The following PDE1C variants were observed in gnomAD, a reference collection of about 807,000 sequenced individuals.
The protein encoded by PDE1C is dual specificity calcium/calmodulin-dependent 3',5'-cyclic nucleotide phosphodiesterase 1C.
Under a neutral mutation model 93.1 loss-of-function variants are expected in PDE1C, and 62 were observed. That is an observed-to-expected ratio of 0.67 (90% CI 0.54 to 0.82). PDE1C has a LOEUF of 0.82. Among genes scored for constraint, PDE1C ranks in the 40% least tolerant of loss-of-function variants. The probability of loss-of-function intolerance (pLI) is 0.00; values close to 1 mark genes in which losing one functional copy is unlikely to be tolerated. For missense variants in PDE1C, 742 were observed against 884.6 expected, an observed-to-expected ratio of 0.84 and a Z score of 2.04; for synonymous variants, 325 against 310.1, an observed-to-expected ratio of 1.05 and a Z score of -0.50.
At chr7:31,806,658 G>A (rs906617739) in intron 16 of PDE1C, among the ~76,000 whole-genome samples, 6 of 151,952 alleles carry the variant, frequency 3.9e-5, no homozygotes, top group African/African-American at 1.4e-4. Flanking sequence ...CCTGGCTCAT[G>A]GGAGTTTGGG....
intron 7 of PDE1C, chr7:31,850,945 G>T (rs542386387): frequency 1.9e-6 from 1 of 524,206 alleles, no homozygotes; most frequent in East Asian, 3.3e-5. Context: ...GTTCAGCAAG[G>T]TTGAATAAGC....
chr7:31,630,207 G>A, the PDE1C span, among the ~76,000 whole-genome samples: 3 of 72,612 alleles, frequency 4.1e-5, no homozygotes, highest in Admixed American at 1.8e-4. Context: ...AATTACCAGA[G>A]GAAAAGAGGC....
At chr7:31,889,107 A>G (rs1798313279) in intron 2 of PDE1C, among the ~76,000 whole-genome samples, 1 of 152,252 alleles carries the variant, frequency 6.6e-6, no homozygotes, top group African/African-American at 2.4e-5. Flanking sequence ...AGATTAAATT[A>G]CAAACAAATT....
the PDE1C span, among the ~76,000 whole-genome samples, chr7:31,687,849 C>T: frequency 6.6e-6 from 1 of 152,186 alleles, no homozygotes; most frequent in Non-Finnish European, 1.5e-5. Context: ...ACCTTCTACC[C>T]TTTTATTCCA....
the PDE1C span, among the ~76,000 whole-genome samples, chr7:31,661,842 C>T: frequency 6.6e-6 from 1 of 152,190 alleles, no homozygotes; most frequent in Admixed American, 6.5e-5. Context: ...TCTGCCTACT[C>T]CCTTCAGTTC....
chr7:32,106,532 C>T lies in PDE1C; in HGVS notation c.308+63253G>A, dbSNP rs368882383. 1.1e-3 allele frequency among the ~76,000 whole-genome samples: 171 copies of T among 152,046 alleles called. 4 individuals are homozygous for T. The South Asian group carries it at 0.035, about 31-fold the overall frequency. On this transcript the variant is annotated intron_variant, in intron 3 of 18. Transcript: ENST00000396193. ...ATGGAAACTTTAAAAAAACTACTACCCTCCATACTTTACCACCACATCAAC... is the reference window on the plus strand; with the variant it reads ...ATGGAAACTTTAAAAAAACTACTACTCTCCATACTTTACCACCACATCAAC...
chr7:32,387,940 C>T (rs549917753), intron 1 of PDE1C, among the ~76,000 whole-genome samples: 1 of 152,312 alleles, frequency 6.6e-6, no homozygotes, highest in Admixed American at 6.5e-5. Context: ...TCTTCCAAAG[C>T]TTTCCTGGCC....
chr7:31,695,956 C>T, the PDE1C span: 1 of 171,256 alleles, frequency 5.8e-6, no homozygotes, highest in East Asian at 1.6e-4. Context: ...TCACCACAAG[C>T]TTCCACAGTC....
intron 16 of PDE1C, among the ~76,000 whole-genome samples, chr7:31,790,667 C>T (rs1261953023): frequency 6.6e-6 from 1 of 152,042 alleles, no homozygotes; most frequent in South Asian, 2.1e-4. Context: ...AAAAGCAATA[C>T]TCCTCCCTCT....
At chr7:32,298,557 G>A (rs1812774984) in intron 1 of PDE1C, 1 of 1,443,992 alleles carries the variant, frequency 6.9e-7, no homozygotes, top group South Asian at 1.3e-5. Context: ...CCCGACCCCT[G>A]AGCTCCCCCT....
At chr7:31,642,068 G>T in the PDE1C span, 11 of 591,782 alleles carry the variant, frequency 1.9e-5, no homozygotes, top group Non-Finnish European at 2.6e-5. Context: ...CACACAGTGG[G>T]CATTTCTGCA....
At chr7:32,300,838 TTTTG>T (rs940018085), upstream of PDE1C, among the ~76,000 whole-genome samples, 4 of 152,098 alleles carry the variant, frequency 2.6e-5, no homozygotes, top group Admixed American at 6.5e-5. Flanking sequence ...GGGCTTGGTT[TTTTG>T]TTTGTTTGTT....
chr7:32,055,121 G>C (rs867903804), intron 1 of PDE1C, among the ~76,000 whole-genome samples: 35 of 152,264 alleles, frequency 2.3e-4, no homozygotes, highest in African/African-American at 8.4e-4. Flanking sequence ...TCCTTGTCAT[G>C]GCAACTGCTC....
chr7:32,063,239 C>A (rs781204415), intron 1 of PDE1C, among the ~76,000 whole-genome samples: 2 of 152,182 alleles, frequency 1.3e-5, no homozygotes, highest in Non-Finnish European at 2.9e-5. Flanking sequence ...AAAAGTAATG[C>A]GGTTTTTGCC....
chr7:32,220,711 G>A (rs569605175), intron 1 of PDE1C, among the ~76,000 whole-genome samples: 8 of 152,268 alleles, frequency 5.3e-5, no homozygotes, highest in Middle Eastern at 3.4e-3. Context: ...CCAGCTACTC[G>A]GGAGGCTGAG....
chr7:31,644,904 A>G, the PDE1C span, among the ~76,000 whole-genome samples: 118,507 of 152,158 alleles, frequency 0.78, 46,234 homozygotes, highest in East Asian at 0.83. Flanking sequence ...TTTAGTGCCT[A>G]CTGAGTTACC....
intron 1 of PDE1C, among the ~76,000 whole-genome samples, chr7:32,348,356 CTTTTT>C (rs59148183): frequency 3.5e-5 from 2 of 57,314 alleles, no homozygotes; most frequent in African/African-American, 1.2e-4. Context: ...AACAAATGTG[CTTTTT>C]TTTTTTTTTT....
chr7:31,973,145 G>A (rs1183437246), intron 2 of PDE1C, among the ~76,000 whole-genome samples: 1 of 151,926 alleles, frequency 6.6e-6, no homozygotes, highest in Non-Finnish European at 1.5e-5. Flanking sequence ...GGGCTCAATA[G>A]GCAAATATAT....
At chr7:32,273,386 A>AT (rs2128888178) in intron 1 of PDE1C, among the ~76,000 whole-genome samples, 1 of 152,348 alleles carries the variant, frequency 6.6e-6, no homozygotes, top group South Asian at 2.1e-4. Flanking sequence ...ATGTATTAAC[A>AT]TAAACCAAGA....
Sources: allele counts gnomAD v4.1 joint callset (sites outside exome capture counted in the v4.1 genomes callset), GRCh38; gene constraint gnomAD v4.1.1; transcripts MANE v1.5; gene names NCBI Gene and HGNC (gene_info 2026-07-23, HGNC 2026-07-21).